The following GULP1 variants were observed in gnomAD, a reference collection of about 807,000 sequenced individuals.
GULP1 encodes PTB domain-containing engulfment adapter protein 1.
GULP1 carries 19 observed loss-of-function variants against 40.9 expected under a neutral mutation model. The observed-to-expected ratio is 0.46, with a 90% CI of 0.32 to 0.68. The LOEUF (loss-of-function observed/expected upper bound fraction) is 0.68. Among genes scored for constraint, GULP1 ranks in the 30% least tolerant of loss-of-function variants. The pLI is 0.03. For missense variants in GULP1, 312 were observed against 362.2 expected, an observed-to-expected ratio of 0.86 and a Z score of 1.12; for synonymous variants, 119 against 117.6, an observed-to-expected ratio of 1.01 and a Z score of -0.08.
chr2:188,593,018 A>T (rs944921442), intron 11 of GULP1: 2 of 152,232 alleles, frequency 1.3e-5, no homozygotes, highest in African/African-American at 2.4e-5. Context: ...AAGAAAAAAA[A>T]GGTAGAGTAT....
intron 9 of GULP1, 87 bp downstream of exon 9, chr2:188,570,207 C>T (rs1698724766): frequency 9.2e-6 from 6 of 649,486 alleles, no homozygotes; most frequent in African/African-American, 1.9e-5. Context: ...TCATATAATA[C>T]TTGGGGATCA....
At chr2:188,412,253 A>G (rs1559211167) in intron 2 of GULP1, among the ~76,000 whole-genome samples, 1 of 152,082 alleles carries the variant, frequency 6.6e-6, no homozygotes, top group Non-Finnish European at 1.5e-5. Flanking sequence ...TCTCGTGAGA[A>G]CTCACTCACT....
intron 1 of GULP1, among the ~76,000 whole-genome samples, 177 bp from the exon 2 acceptor site, chr2:188,383,585 AT>A (rs1449520621): frequency 6.6e-6 from 1 of 152,222 alleles, no homozygotes; most frequent in Non-Finnish European, 1.5e-5. Flanking sequence ...GGTATCAGTA[AT>A]AATGTTTTCC....
chr2:188,436,306 T>C (rs1012151140), intron 2 of GULP1, among the ~76,000 whole-genome samples: 8 of 152,110 alleles, frequency 5.3e-5, no homozygotes, highest in Non-Finnish European at 1.0e-4. Flanking sequence ...ATGATTACCT[T>C]TCCCTAAAAT....
At chr2:188,357,941 G>A (rs149982732) in intron 1 of GULP1, among the ~76,000 whole-genome samples, 12 of 152,292 alleles carry the variant, frequency 7.9e-5, no homozygotes, top group Admixed American at 4.6e-4. Context: ...CACTTTGGGA[G>A]GCTGAAGCAG....
At position 188,292,051 on chromosome 2, in the gene GULP1, C is replaced by T. The variant is rs988438792; in HGVS notation, c.-287C>T. ...GTGTTGGCGTAGAGAAACTTTCCCT[C>T]TCGGCCTCGGAGACGGCGCCCCGGC... is the stretch of plus-strand genomic sequence containing the variant. On this transcript the variant is annotated 5_prime_UTR_variant, in exon 1 of 12. Transcript: ENST00000409830. The surrounding 1 kb of genome is among the most constrained non-coding windows in gnomAD (Gnocchi z 4.0). The T allele has an allele frequency of 6.6e-6, 1 of 152,262 alleles. No individual in the cohort carries two copies. The highest frequency in any genetic ancestry group is 2.4e-5 in the African/African-American group (1 of 41,454). The allele number at this position is 152,262 out of a possible 1,614,324, so 9.4% of individuals were successfully genotyped here.
chr2:188,422,401 T>C (rs2055566441), intron 2 of GULP1, among the ~76,000 whole-genome samples: 1 of 150,968 alleles, frequency 6.6e-6, no homozygotes, highest in East Asian at 1.9e-4. Flanking sequence ...CACACACACA[T>C]ATACATATAT....
At chr2:188,300,037 T>C (rs954976340) in intron 1 of GULP1, among the ~76,000 whole-genome samples, 1 of 152,268 alleles carries the variant, frequency 6.6e-6, no homozygotes. Context: ...TAGTTTTAGC[T>C]GAATAATTTT....
intron 2 of GULP1, among the ~76,000 whole-genome samples, chr2:188,445,339 A>G (rs981228694): frequency 5.9e-5 from 9 of 152,218 alleles, no homozygotes; most frequent in African/African-American, 2.2e-4. Flanking sequence ...GATACAGAGC[A>G]TGCATTTGAT....
chr2:188,418,339 A>G (rs765674483), intron 2 of GULP1, among the ~76,000 whole-genome samples: 26 of 152,078 alleles, frequency 1.7e-4, no homozygotes, highest in Non-Finnish European at 3.1e-4. Context: ...CAGAGATGAA[A>G]TGACATTTTA....
chr2:188,556,207 G>C (rs543065911), intron 7 of GULP1, among the ~76,000 whole-genome samples: 1 of 152,066 alleles, frequency 6.6e-6, no homozygotes, highest in African/African-American at 2.4e-5. Flanking sequence ...CATAAATGTC[G>C]TGAAGGCTTT....
chr2:188,468,506 T>C lies in GULP1; in HGVS notation c.-44-9153T>C, dbSNP rs189661070. Among the ~76,000 whole-genome samples, 318 of 152,314 alleles carry C rather than the reference T, an allele frequency of 2.1e-3. 1 individual carries two copies. Among genetic ancestry groups the C allele is most frequent in the African/African-American group, 7.2e-3 (298 of 41,584 alleles). On this transcript the variant is annotated intron_variant, in intron 2 of 11. Transcript: ENST00000409830. ...ATTCAACATATATTAACTATAGATA[T>C]GTACTTGATACTAGAGAAGCAAAGA...
In GULP1 at chr2:188,594,214, C is replaced by G. The variant is rs1385836839; in HGVS notation, c.*203C>G. On this transcript the variant is annotated 3_prime_UTR_variant, in exon 12 of 12. Transcript: ENST00000409830. ...AAAAACAGCTTACTGTAAAGTAGAT[C>G]ATACTTTTATGTTCCTTTCTGTTTC... The G allele has an allele frequency of 1.8e-5, 7 of 386,208 alleles. No individual in the cohort carries two copies. The highest frequency in any genetic ancestry group is 4.2e-5 in the Admixed American group (1 of 23,822). The allele number at this position is 386,208 out of a possible 1,614,324, so 23.9% of individuals were successfully genotyped here. A position where few individuals can be genotyped will look rare whatever the true frequency, so the allele number is the denominator to read the frequency against.
At chr2:188,573,550 C>G (rs947959525) in intron 9 of GULP1, among the ~76,000 whole-genome samples, 1 of 152,166 alleles carries the variant, frequency 6.6e-6, no homozygotes, top group East Asian at 1.9e-4. Context: ...ACAGGACACA[C>G]AGCAGGAACA....
At chr2:188,399,583 G>T (rs149518368) in intron 2 of GULP1, among the ~76,000 whole-genome samples, 2 of 151,232 alleles carry the variant, frequency 1.3e-5, no homozygotes, top group Non-Finnish European at 2.9e-5. Context: ...TCCAGGTGCA[G>T]TGGCTTATAT....
At chr2:188,545,908 C>T (rs1691827257) in intron 7 of GULP1, among the ~76,000 whole-genome samples, 1 of 151,624 alleles carries the variant, frequency 6.6e-6, no homozygotes, top group South Asian at 2.1e-4. Flanking sequence ...TTCATGCAAC[C>T]ATTATTCAGA....
intron 2 of GULP1, among the ~76,000 whole-genome samples, chr2:188,393,613 T>C (rs1251778045): frequency 6.6e-6 from 1 of 152,172 alleles, no homozygotes; most frequent in African/African-American, 2.4e-5. Flanking sequence ...CCAGTTATTA[T>C]GTTGATCATT....
chr2:188,320,992 GT>G (rs2039892507), intron 1 of GULP1, among the ~76,000 whole-genome samples: 1 of 151,402 alleles, frequency 6.6e-6, no homozygotes, highest in African/African-American at 2.4e-5. Flanking sequence ...CAAAAAAACA[GT>G]TTCCTATATT....
In GULP1 at chr2:188,517,067, G is replaced by C. The variant is rs370149427; in HGVS notation, c.91-5689G>C. 2.6e-4 allele frequency among the ~76,000 whole-genome samples: 40 copies of C among 152,192 alleles called. 1 individual carries two copies. Among genetic ancestry groups the C allele is most frequent in the African/African-American group, 9.4e-4 (39 of 41,534 alleles). ...GTTTGGCTCACCCACTAGGATGTAA[G>C]TTCCATAAGGGCAGGGAAATTTGTT... is the stretch of plus-strand genomic sequence containing the variant. On this transcript the variant is annotated intron_variant, in intron 4 of 11. Transcript: ENST00000409830.
Sources: allele counts gnomAD v4.1 joint callset (sites outside exome capture counted in the v4.1 genomes callset), GRCh38; gene constraint gnomAD v4.1.1; non-coding constraint Gnocchi (gnomAD v3.1); transcripts MANE v1.5; gene names NCBI Gene and HGNC (gene_info 2026-07-23, HGNC 2026-07-21).